Variants in ATP2B2 observed in about 807,000 individuals in gnomAD.
ATP2B2 encodes ATPase plasma membrane Ca2+ transporting 2.
ATP2B2 carries 15 observed loss-of-function variants against 120.0 expected under a neutral mutation model. The observed-to-expected ratio is 0.12, with a 90% CI of 0.08 to 0.19. The LOEUF is 0.19. ATP2B2 is among the 10% of genes least tolerant of loss of function. ATP2B2 has a pLI of 1.00. For missense variants in ATP2B2, 1,045 were observed against 1,719.8 expected (o/e 0.61, Z 6.94); for synonymous variants, 694 against 700.3 (o/e 0.99, Z 0.14).
At chr3:10,569,143 T>C (rs1483783680) in intron 2 of ATP2B2, among the ~76,000 whole-genome samples, 4 of 152,098 alleles carry the variant, frequency 2.6e-5, no homozygotes, top group South Asian at 2.1e-4. Flanking sequence ...GAGCCAAGCG[T>C]CAAGTCCTTA....
intron 6 of ATP2B2, among the ~76,000 whole-genome samples, chr3:10,387,282 G>A (rs2061708553): frequency 6.6e-6 from 1 of 152,158 alleles, no homozygotes; most frequent in Non-Finnish European, 1.5e-5. Context: ...TAATCTTAGG[G>A]GACCCCCTAG....
chr3:10,480,596 G>A (rs551233343), intron 1 of ATP2B2, among the ~76,000 whole-genome samples: 19 of 152,288 alleles, frequency 1.2e-4, no homozygotes, highest in Non-Finnish European at 2.1e-4. Context: ...AGTTCCTTCA[G>A]GCCCAAGACC....
chr3:10,478,045 C>T (rs187147049), intron 1 of ATP2B2, among the ~76,000 whole-genome samples: 6 of 152,282 alleles, frequency 3.9e-5, no homozygotes, highest in Admixed American at 3.3e-4. Context: ...TGGCCAATAC[C>T]TATTTTCTGT....
intron 10 of ATP2B2, among the ~76,000 whole-genome samples, chr3:10,377,224 G>A (rs974472676): frequency 4.6e-5 from 7 of 152,084 alleles, no homozygotes; most frequent in African/African-American, 9.7e-5. Flanking sequence ...TGGCGATGGC[G>A]GTATAGAGGA....
At chr3:10,438,814 G>A (rs1445271854) in intron 2 of ATP2B2, among the ~76,000 whole-genome samples, 1 of 152,220 alleles carries the variant, frequency 6.6e-6, no homozygotes, top group Non-Finnish European at 1.5e-5. Flanking sequence ...TAGCATTCGA[G>A]ACGGCCCGCC....
chr3:10,499,238 C>T (rs1315482463), intron 1 of ATP2B2, among the ~76,000 whole-genome samples: 2 of 152,230 alleles, frequency 1.3e-5, no homozygotes, highest in Non-Finnish European at 2.9e-5. Flanking sequence ...AATACTACCA[C>T]TATCCCATCT....
intron 8 of ATP2B2, among the ~76,000 whole-genome samples, chr3:10,381,753 G>A (rs1352091053): frequency 6.6e-6 from 1 of 152,134 alleles, no homozygotes; most frequent in Non-Finnish European, 1.5e-5. Context: ...CCTCAGGTGG[G>A]GTCTCAGAGG....
At position 10,375,587 on chromosome 3, in the gene ATP2B2, G is replaced by T. The variant is rs1244257141; in HGVS notation, c.1259C>A (p.Thr420Asn). The stretch of plus-strand genomic sequence containing the variant: ...CCACGGCTTCTTGTTGACCACGAAG[G>T]TGTCCACAGTGAAGTAGAGCACCAG... ...IILVLYFTVD[T>N]FVVNKKPWLP... is the part of the protein sequence containing the mutation. The change falls in exon 11 of 23, where the codon ACC (threonine) becomes AAC (asparagine). Residue 420 changes from threonine to asparagine, a missense_variant. Physicochemically the swap from Thr to Asn is moderately conservative, Grantham distance 65 (BLOSUM62 0). Coordinates refer to ENST00000360273, the MANE Select transcript of ATP2B2 (RefSeq NM_001001331.4). The surrounding 1 kb of genome is among the most constrained non-coding windows in gnomAD (Gnocchi z 4.2). 3.7e-6 allele frequency: 6 copies of T among 1,613,804 alleles called. No homozygotes were observed. Among genetic ancestry groups the T allele is most frequent in the Non-Finnish European group, 4.2e-6 (5 of 1,180,046 alleles).
intron 2 of ATP2B2, among the ~76,000 whole-genome samples, chr3:10,540,417 C>T (rs571760397): frequency 1.3e-5 from 2 of 152,214 alleles, no homozygotes; most frequent in South Asian, 4.1e-4. Context: ...GACATGTGCA[C>T]ACGTATGTTT....
intron 2 of ATP2B2, among the ~76,000 whole-genome samples, chr3:10,535,735 C>T (rs73028951): frequency 0.046 from 6,965 of 152,104 alleles, 198 homozygotes; most frequent in East Asian, 0.13. Flanking sequence ...GTATTCCCTA[C>T]GTGGATGCAT....
intron 11 of ATP2B2, among the ~76,000 whole-genome samples, chr3:10,372,636 A>G (rs1489107441): frequency 6.6e-6 from 1 of 152,240 alleles, no homozygotes; most frequent in African/African-American, 2.4e-5. Flanking sequence ...AATAAAAACC[A>G]CACATTTCTT....
chr3:10,632,816 T>C (rs574568632), intron 1 of ATP2B2, among the ~76,000 whole-genome samples: 1 of 152,326 alleles, frequency 6.6e-6, no homozygotes, highest in East Asian at 1.9e-4. Flanking sequence ...TTACTGGGCC[T>C]CTTTGTGGTG....
chr3:10,575,155 G>C (rs1192128125), intron 2 of ATP2B2, among the ~76,000 whole-genome samples: 1 of 152,156 alleles, frequency 6.6e-6, no homozygotes, highest in African/African-American at 2.4e-5. Context: ...GCTGGAAGTG[G>C]GGATAGGTTC....
At chr3:10,377,192 T>C (rs1260090769) in intron 10 of ATP2B2, among the ~76,000 whole-genome samples, 2 of 152,148 alleles carry the variant, frequency 1.3e-5, no homozygotes, top group East Asian at 1.9e-4. Flanking sequence ...CATGTTTCCA[T>C]AGAGTCTTCT....
chr3:10,492,335 T>C (rs2065964273), intron 1 of ATP2B2, among the ~76,000 whole-genome samples: 2 of 152,126 alleles, frequency 1.3e-5, no homozygotes, highest in African/African-American at 4.8e-5. Context: ...AAATTTCCCT[T>C]TATTAAGGCC....
At chr3:10,380,629 GC>G (rs937924707) in intron 8 of ATP2B2, among the ~76,000 whole-genome samples, 1 of 152,200 alleles carries the variant, frequency 6.6e-6, no homozygotes, top group Non-Finnish European at 1.5e-5. Context: ...CTTCCGTCCT[GC>G]CATTGCTTCT....
At position 10,342,899 on chromosome 3, in the gene ATP2B2, C is replaced by T. The variant is rs1559534646; in HGVS notation, c.2770G>A (p.Ala924Thr). 5 of 1,614,126 alleles carry T rather than the reference C, an allele frequency of 3.1e-6. No individual in the cohort carries two copies. Among genetic ancestry groups the T allele is most frequent in the Non-Finnish European group, 4.2e-6 (5 of 1,180,018 alleles). The change falls in exon 19 of 23, where the codon GCA becomes ACA. Residue 924 changes from alanine (A) to threonine (T), a missense_variant. Ala to Thr is a moderately conservative substitution (Grantham distance 58). Transcript: ENST00000360273. The surrounding 1 kb of genome is among the most constrained non-coding windows in gnomAD (Gnocchi z 4.4). ...NLIMDTFASL[A>T]LATEPPTETL... ...TCCGTGGGCGGCTCAGTGGCCAGTG[C>T]CAGCGAGGCAAACGTGTCCATGATG... is the stretch of plus-strand genomic sequence containing the variant.
intron 1 of ATP2B2, among the ~76,000 whole-genome samples, chr3:10,471,946 T>C (rs2065023749): frequency 6.6e-6 from 1 of 151,088 alleles, no homozygotes; most frequent in South Asian, 2.1e-4. Flanking sequence ...CCGGGTGTGG[T>C]GGCGGGCGCC....
At chr3:10,450,879 CAA>C (rs2064018151) in intron 1 of ATP2B2, among the ~76,000 whole-genome samples, 1 of 152,162 alleles carries the variant, frequency 6.6e-6, no homozygotes, top group African/African-American at 2.4e-5. Flanking sequence ...CGTTGGGTGA[CAA>C]AGGGCCCCAG....
Sources: gnomAD v4.1 joint callset for allele counts (sites outside exome capture counted in the v4.1 genomes callset) on GRCh38, gnomAD v4.1.1 for gene constraint, Gnocchi (gnomAD v3.1) non-coding constraint, MANE v1.5 for transcripts, NCBI Gene and HGNC (gene_info 2026-07-23, HGNC 2026-07-21) for gene names.